Variants in SLC37A3 observed in about 807,000 individuals in gnomAD.
SLC37A3 encodes solute carrier family 37 member 3.
SLC37A3 carries 51 observed loss-of-function variants against 67.1 expected under a neutral mutation model. The ratio of observed to expected loss-of-function variants is 0.76; its 90% confidence interval spans 0.61 to 0.96. The LOEUF is 0.96. SLC37A3 is among the 40% of genes least tolerant of loss of function. The pLI, the probability that SLC37A3 is intolerant of heterozygous loss-of-function variation, is 0.00. For synonymous variants in SLC37A3, 214 were observed against 231.4 expected, an observed-to-expected ratio of 0.92 and a Z score of 0.68; for missense variants, 508 against 603.0, an observed-to-expected ratio of 0.84 and a Z score of 1.65.
At chr7:140,391,110 C>T (rs1207899762) in intron 1 of SLC37A3, among the ~76,000 whole-genome samples, 1 of 152,188 alleles carries the variant, frequency 6.6e-6, no homozygotes, top group Non-Finnish European at 1.5e-5. Flanking sequence ...CCTGTGACAG[C>T]GATTTCACAC....
chr7:140,395,536 T>C (rs1351457915), intron 1 of SLC37A3, among the ~76,000 whole-genome samples: 1 of 150,168 alleles, frequency 6.7e-6, no homozygotes, highest in Non-Finnish European at 1.5e-5. Flanking sequence ...GGCGAAACCC[T>C]GTCTCTACTA....
Position 140,364,258 on chromosome 7 carries a change from GA to G in SLC37A3, c.375+149del, listed in dbSNP as rs372912763. On this transcript the variant is annotated intron_variant, in intron 5 of 14. Transcript: ENST00000326232. ...TAGAGCAAGATTCTGTCTCGGGGGG[GA>G]AAAAAAAGACTCATCTAAGTGAAAA... 175 of 509,876 alleles carry G rather than the reference GA, an allele frequency of 3.4e-4. 1 individual carries two copies. The highest frequency in any genetic ancestry group is 7.0e-4 in the Middle Eastern group (2 of 2,864). 31.6% of individuals were successfully genotyped at this position (509,876 alleles called of 1,614,324 possible).
intron 1 of SLC37A3, among the ~76,000 whole-genome samples, chr7:140,395,952 T>C (rs567999345): frequency 6.7e-6 from 1 of 148,514 alleles, no homozygotes; most frequent in South Asian, 2.2e-4. Flanking sequence ...ATAGTTGAGT[T>C]CACCATTTTT....
At chr7:140,377,588 G>A (rs545855172) in intron 3 of SLC37A3, among the ~76,000 whole-genome samples, 1 of 152,182 alleles carries the variant, frequency 6.6e-6, no homozygotes, top group South Asian at 2.1e-4. Context: ...AAATTCTAAA[G>A]GTAACTGTGT....
chr7:140,364,363 TA>T, intron 5 of SLC37A3, 44 bp downstream of exon 5: 1 of 1,559,436 alleles, frequency 6.4e-7, no homozygotes, highest in Non-Finnish European at 8.8e-7. Context: ...ACTTAGATTC[TA>T]AAATACCTGA....
intron 4 of SLC37A3, among the ~76,000 whole-genome samples, chr7:140,368,487 A>G (rs1266764031): frequency 6.6e-6 from 1 of 152,108 alleles, no homozygotes; most frequent in African/African-American, 2.4e-5. Context: ...GAATTGCTTG[A>G]ACCCGAGAGG....
chr7:140,377,211 T>G (rs1798067892), intron 3 of SLC37A3, among the ~76,000 whole-genome samples: 1 of 141,988 alleles, frequency 7.0e-6, no homozygotes, highest in Non-Finnish European at 1.5e-5. Context: ...TCCCAAAGTG[T>G]TTTTTTTTTT....
intron 10 of SLC37A3, 76 bp downstream of exon 10, chr7:140,348,550 G>A: frequency 6.7e-7 from 1 of 1,483,744 alleles, no homozygotes; most frequent in Non-Finnish European, 9.0e-7. Context: ...CTTTAAATGA[G>A]GCCAGATTTC....
chr7:140,373,608 CTCTCT>C (rs1218879178), intron 3 of SLC37A3, among the ~76,000 whole-genome samples: 3 of 152,236 alleles, frequency 2.0e-5, no homozygotes, highest in Non-Finnish European at 4.4e-5. Context: ...AAAAACACTT[CTCTCT>C]TTTCTAACTT....
chr7:140,361,190 G>T (rs1233347598), intron 5 of SLC37A3, among the ~76,000 whole-genome samples: 2 of 151,688 alleles, frequency 1.3e-5, no homozygotes, highest in Admixed American at 6.6e-5. Flanking sequence ...AGATAGAAAG[G>T]AGCAGGATAG....
intron 10 of SLC37A3, 99 bp from the exon 11 acceptor site, chr7:140,346,069 T>C: frequency 1.2e-6 from 1 of 821,722 alleles, no homozygotes. Flanking sequence ...AGCAGCAGCC[T>C]GACACTAGTC....
At chr7:140,387,735 A>G (rs1563053170) in intron 1 of SLC37A3, among the ~76,000 whole-genome samples, 1 of 4,152 alleles carries the variant, frequency 2.4e-4, no homozygotes, top group African/African-American at 8.8e-4. Flanking sequence ...ATATAAATAT[A>G]CTATATATTA....
chr7:140,345,379 A>G (rs1796515587), intron 11 of SLC37A3, 116 bp from the exon 12 acceptor site: 1 of 738,578 alleles, frequency 1.4e-6, no homozygotes. Flanking sequence ...TCCCAGAGAC[A>G]ACAAAGAGAC....
chr7:140,357,998 C>T (rs1255105073), intron 6 of SLC37A3, among the ~76,000 whole-genome samples: 1 of 151,946 alleles, frequency 6.6e-6, no homozygotes, highest in East Asian at 1.9e-4. Context: ...ATCACTTGAA[C>T]CCCGGAGGCG....
chr7:140,338,106 G>T (rs539350700), intron 13 of SLC37A3, among the ~76,000 whole-genome samples: 1 of 152,128 alleles, frequency 6.6e-6, no homozygotes, highest in Admixed American at 6.5e-5. Flanking sequence ...TAGCCAGGAT[G>T]GTCTCAATCT....
chr7:140,373,537 A>C (rs1797904259), intron 3 of SLC37A3, among the ~76,000 whole-genome samples: 1 of 152,218 alleles, frequency 6.6e-6, no homozygotes, highest in African/African-American at 2.4e-5. Flanking sequence ...ATTATCACTT[A>C]TCAAAATTTC....
chr7:140,389,305 A>T (rs1319470105), intron 1 of SLC37A3, among the ~76,000 whole-genome samples: 1 of 152,098 alleles, frequency 6.6e-6, no homozygotes. Context: ...AGTGCTGGAG[A>T]TATTTTGTAG....
chr7:140,396,939 C>G (rs1391108661), intron 1 of SLC37A3, among the ~76,000 whole-genome samples: 1 of 147,216 alleles, frequency 6.8e-6, no homozygotes, highest in African/African-American at 2.5e-5. Flanking sequence ...CAGTGGCTCA[C>G]GCCTGTAATT....
chr7:140,365,658 T>C (rs1797567814), intron 4 of SLC37A3, among the ~76,000 whole-genome samples: 1 of 152,128 alleles, frequency 6.6e-6, no homozygotes, highest in Non-Finnish European at 1.5e-5. Context: ...GAAGCGGGGC[T>C]TGCAGTCAGC....
Sources: allele counts gnomAD v4.1 joint callset (sites outside exome capture counted in the v4.1 genomes callset), GRCh38; gene constraint gnomAD v4.1.1; transcripts MANE v1.5; gene names NCBI Gene and HGNC (gene_info 2026-07-23, HGNC 2026-07-21).